The following PDE5A variants were observed in gnomAD, a reference collection of about 807,000 sequenced individuals.
The protein encoded by PDE5A is phosphodiesterase 5A, also known as cGMP-specific 3',5'-cyclic phosphodiesterase.
A neutral mutation model predicts 110.2 loss-of-function variants in PDE5A; 67 were observed. That is an observed-to-expected ratio of 0.61 (90% CI 0.50 to 0.75). The LOEUF (loss-of-function observed/expected upper bound fraction) is 0.75. Among genes scored for constraint, PDE5A ranks in the 30% least tolerant of loss-of-function variants. PDE5A has a pLI of 0.00. For synonymous variants in PDE5A, 328 were observed against 351.2 expected (o/e 0.93, Z 0.74); for missense variants, 862 against 1,045.1 (o/e 0.82, Z 2.42).
rs531591118 is a variant in PDE5A at position 119,606,214 on chromosome 4, A to G, written c.741+495T>C. Among the ~76,000 whole-genome samples the G allele has an allele frequency of 5.9e-5, 9 of 152,340 alleles. No individual in the cohort carries two copies. The South Asian group carries it at 8.3e-4, about 14-fold the overall frequency. ...AGTTTATCTGTTTAAAAAATGAAAGAGAGGATAGAAAGAAAGAAAACCAGA... is the reference window on the plus strand; with the variant it reads ...AGTTTATCTGTTTAAAAAATGAAAGGGAGGATAGAAAGAAAGAAAACCAGA... On this transcript the variant is annotated intron_variant, in intron 2 of 20. Transcript: ENST00000354960.
chr4:119,600,896 G>A (rs960832135), intron 2 of PDE5A, among the ~76,000 whole-genome samples: 2 of 152,086 alleles, frequency 1.3e-5, no homozygotes, highest in African/African-American at 4.8e-5. Context: ...ATTACAATGG[G>A]AAAAACTATT....
intron 2 of PDE5A, among the ~76,000 whole-genome samples, chr4:119,603,914 C>T (rs1729432685): frequency 6.6e-6 from 1 of 152,116 alleles, no homozygotes; most frequent in African/African-American, 2.4e-5. Context: ...ATTTTCATAT[C>T]CTGACTACTT....
chr4:119,501,003 C>T, intron 20 of PDE5A, 167 bp downstream of exon 20: 1 of 583,928 alleles, frequency 1.7e-6, no homozygotes, highest in South Asian at 2.1e-5. Context: ...AGTATGTGTT[C>T]CTTGTTCAAT....
chr4:119,583,069 TCTC>T (rs949943621), intron 3 of PDE5A, among the ~76,000 whole-genome samples: 5 of 152,180 alleles, frequency 3.3e-5, no homozygotes, highest in East Asian at 1.9e-4. Flanking sequence ...GACATTGACT[TCTC>T]CTCTCTGGCT....
intron 4 of PDE5A, among the ~76,000 whole-genome samples, chr4:119,566,626 GTC>G (rs1727944835): frequency 6.6e-6 from 1 of 152,132 alleles, no homozygotes. Flanking sequence ...GCGCCCCACT[GTC>G]TGTGCGCAAG....
chr4:119,507,460 AC>A (rs1253991541), intron 16 of PDE5A, 143 bp downstream of exon 16: 1 of 565,832 alleles, frequency 1.8e-6, no homozygotes, highest in Admixed American at 3.7e-5. Context: ...TTTTCTGGCT[AC>A]CCTTTCAGAA....
At chr4:119,560,460 C>A in intron 6 of PDE5A, 97 bp from the exon 7 acceptor site, 1 of 605,246 alleles carries the variant, frequency 1.7e-6, no homozygotes, top group East Asian at 3.2e-5. Flanking sequence ...CAAAAGACCC[C>A]AATACTTGTA....
intron 3 of PDE5A, among the ~76,000 whole-genome samples, chr4:119,585,272 T>C (rs1406290267): frequency 2.6e-4 from 4 of 15,264 alleles, no homozygotes; most frequent in Non-Finnish European, 8.1e-4. Flanking sequence ...TGAAACTCTG[T>C]CTCAAAAAAA....
intron 18 of PDE5A, 58 bp downstream of exon 18, chr4:119,504,478 G>C: frequency 7.5e-7 from 1 of 1,342,192 alleles, no homozygotes; most frequent in South Asian, 1.2e-5. Flanking sequence ...TAGTGGGATT[G>C]CTGGGTAGAA....
At chr4:119,599,056 C>G (rs1454240670) in intron 2 of PDE5A, among the ~76,000 whole-genome samples, 1 of 152,094 alleles carries the variant, frequency 6.6e-6, no homozygotes, top group Admixed American at 6.5e-5. Flanking sequence ...GGCATTGAGG[C>G]AGGAAAAGAC....
At chr4:119,598,844 T>C (rs962657492) in intron 2 of PDE5A, among the ~76,000 whole-genome samples, 1 of 151,526 alleles carries the variant, frequency 6.6e-6, no homozygotes, top group African/African-American at 2.4e-5. Flanking sequence ...TGCTGGGGGG[T>C]TGGAAGGAAG....
intron 3 of PDE5A, among the ~76,000 whole-genome samples, chr4:119,575,394 C>T (rs191411259): frequency 2.6e-5 from 4 of 152,182 alleles, no homozygotes; most frequent in African/African-American, 4.8e-5. Context: ...TCAGATTCAC[C>T]GAAGTTAAAA....
At chr4:119,548,023 A>C (rs1727193204) in intron 9 of PDE5A, among the ~76,000 whole-genome samples, 1 of 146,538 alleles carries the variant, frequency 6.8e-6, no homozygotes. Context: ...TGTGATGATC[A>C]CTTTGTCCAT....
intron 11 of PDE5A, among the ~76,000 whole-genome samples, chr4:119,533,643 T>C (rs1726621076): frequency 6.6e-6 from 1 of 152,144 alleles, no homozygotes; most frequent in South Asian, 2.1e-4. Flanking sequence ...ACATGTTATA[T>C]GATTTTTCCT....
intron 1 of PDE5A, among the ~76,000 whole-genome samples, chr4:119,617,282 A>G (rs1729974549): frequency 6.6e-6 from 1 of 152,178 alleles, no homozygotes; most frequent in South Asian, 2.1e-4. Flanking sequence ...TCTATCTAGA[A>G]GTATTAAATA....
rs980241184 is a variant in PDE5A at position 119,496,928 on chromosome 4, A to G, written c.*1673T>C. ...CCAAATACAAAATAATGGCAATACA[A>G]TGTGTTTTGCTTCTATTTTTTGTTT... On this transcript the variant is annotated 3_prime_UTR_variant, in exon 21 of 21. Coordinates refer to ENST00000354960, the MANE Select transcript of PDE5A (RefSeq NM_001083.4). The G allele has an allele frequency of 8.5e-5, 13 of 152,430 alleles. No individual in the cohort carries two copies. The highest frequency in any genetic ancestry group is 3.1e-4 in the African/African-American group (13 of 41,442). 9.4% of individuals were successfully genotyped at this position (152,430 alleles called of 1,614,324 possible).
chr4:119,544,503 C>T (rs1330629939), intron 9 of PDE5A, among the ~76,000 whole-genome samples: 1 of 152,120 alleles, frequency 6.6e-6, no homozygotes, highest in Non-Finnish European at 1.5e-5. Flanking sequence ...CTTTGTGAAT[C>T]CCCAAAATAT....
intron 6 of PDE5A, 109 bp downstream of exon 6, chr4:119,562,724 T>C (rs918034101): frequency 8.6e-6 from 7 of 814,392 alleles, no homozygotes; most frequent in South Asian, 2.4e-5. Flanking sequence ...TTCATACACA[T>C]TTGGGTTTGA....
intron 7 of PDE5A, among the ~76,000 whole-genome samples, chr4:119,557,424 C>T (rs1727581649): frequency 6.6e-6 from 1 of 152,148 alleles, no homozygotes; most frequent in Non-Finnish European, 1.5e-5. Context: ...CCTGGACTAA[C>T]TCACACATCT....
Sources: allele counts gnomAD v4.1 joint callset (sites outside exome capture counted in the v4.1 genomes callset), GRCh38; gene constraint gnomAD v4.1.1; transcripts MANE v1.5; gene names NCBI Gene and HGNC (gene_info 2026-07-23, HGNC 2026-07-21).